The following LARGE1 variants were observed in gnomAD, a reference collection of about 807,000 sequenced individuals.
LARGE1 encodes the protein LARGE xylosyl- and glucuronyltransferase 1, also known as xylosyl- and glucuronyltransferase LARGE1.
A neutral mutation model predicts 87.6 loss-of-function variants in LARGE1; 43 were observed. The observed-to-expected ratio is 0.49, with a 90% CI of 0.38 to 0.63. LARGE1 has a LOEUF of 0.63. LARGE1 is among the 30% of genes least tolerant of loss of function. The probability of loss-of-function intolerance (pLI) is 0.00; values close to 1 mark genes in which losing one functional copy is unlikely to be tolerated. For missense variants in LARGE1, 802 were observed against 1,000.2 expected (o/e 0.80, Z 2.67); for synonymous variants, 434 against 394.6 (o/e 1.10, Z -1.18).
chr22:33,687,230 G>A (rs923058958), intron 2 of LARGE1, among the ~76,000 whole-genome samples: 4 of 150,156 alleles, frequency 2.7e-5, no homozygotes, highest in African/African-American at 9.8e-5. Context: ...CCTGGCTTCA[G>A]GCAATCCTCC....
chr22:33,156,338 A>G, the LARGE1 span, among the ~76,000 whole-genome samples: 1 of 152,134 alleles, frequency 6.6e-6, no homozygotes, highest in Non-Finnish European at 1.5e-5. Context: ...GAATGGGGAA[A>G]GGGGGCTATA....
chr22:33,307,193 A>C (rs1273735735), intron 11 of LARGE1, among the ~76,000 whole-genome samples: 1 of 152,214 alleles, frequency 6.6e-6, no homozygotes, highest in Admixed American at 6.5e-5. Context: ...TGTCTTTGCC[A>C]CACTGTGGCT....
chr22:33,422,985 C>G (rs1322623187), intron 7 of LARGE1, among the ~76,000 whole-genome samples: 1 of 148,396 alleles, frequency 6.7e-6, no homozygotes, highest in East Asian at 1.9e-4. Context: ...ACTAACACTA[C>G]TTACGGGATA....
intron 9 of LARGE1, among the ~76,000 whole-genome samples, chr22:33,346,644 C>T (rs990042872): frequency 6.6e-6 from 1 of 152,158 alleles, no homozygotes; most frequent in South Asian, 2.1e-4. Context: ...TCCTTCATGG[C>T]TGAGCTCAAA....
At chr22:33,371,826 T>G (rs928328174) in intron 9 of LARGE1, among the ~76,000 whole-genome samples, 1 of 151,914 alleles carries the variant, frequency 6.6e-6, no homozygotes, top group South Asian at 2.1e-4. Context: ...CCACTAAAAA[T>G]ACAAAAAATT....
chr22:33,523,192 C>T lies in LARGE1; in HGVS notation c.787+41656G>A, dbSNP rs1009602461. Among the ~76,000 whole-genome samples the T allele has an allele frequency of 5.3e-5, 8 of 151,872 alleles. No individual in the cohort carries two copies. In the East Asian group the frequency reaches 7.8e-4, roughly 15 times the overall value. On this transcript the variant is annotated intron_variant, in intron 6 of 14. Transcript: ENST00000397394. ...GATAATTTTGTATTTTTAGTAGAGA[C>T]GGGGTTTCACCATGTTGGTCAGGCT...
intron 1 of LARGE1, among the ~76,000 whole-genome samples, chr22:33,762,375 C>T (rs1251405166): frequency 6.6e-6 from 1 of 151,998 alleles, no homozygotes; most frequent in African/African-American, 2.4e-5. Flanking sequence ...CTGCCCTGTG[C>T]GTGGTCAGGA....
At chr22:33,390,689 G>GTTT (rs200764992) in intron 7 of LARGE1, among the ~76,000 whole-genome samples, 1 of 131,818 alleles carries the variant, frequency 7.6e-6, no homozygotes. Context: ...TTTGTTGTGT[G>GTTT]TTTTTTTTTT....
intron 2 of LARGE1, among the ~76,000 whole-genome samples, chr22:33,740,629 G>T (rs545845726): frequency 6.6e-6 from 1 of 152,220 alleles, no homozygotes; most frequent in Non-Finnish European, 1.5e-5. Flanking sequence ...AATGATCTAA[G>T]AGAAAAAGAA....
chr22:33,767,301 G>A (rs924404379), intron 1 of LARGE1, among the ~76,000 whole-genome samples: 5 of 151,600 alleles, frequency 3.3e-5, no homozygotes, highest in South Asian at 2.1e-4. Context: ...CAGCCTGGGC[G>A]ACAGAGCAAG....
At chr22:33,096,144 G>A in the LARGE1 span, among the ~76,000 whole-genome samples, 6 of 152,126 alleles carry the variant, frequency 3.9e-5, no homozygotes, top group East Asian at 1.9e-4. Context: ...GGCCAGGCGC[G>A]GTGGCTCATG....
intron 9 of LARGE1, among the ~76,000 whole-genome samples, chr22:33,381,048 C>A (rs1601642269): frequency 6.6e-6 from 1 of 152,176 alleles, no homozygotes; most frequent in African/African-American, 2.4e-5. Flanking sequence ...CTCAAGGTTT[C>A]CTCTTGTGTA....
intron 1 of LARGE1, among the ~76,000 whole-genome samples, chr22:33,833,999 A>G (rs1435613259): frequency 3.3e-5 from 5 of 152,122 alleles, no homozygotes; most frequent in African/African-American, 1.2e-4. Flanking sequence ...AATTATTGTC[A>G]TTTTAGCAGA....
the LARGE1 span, among the ~76,000 whole-genome samples, chr22:33,116,485 G>C: frequency 2.0e-5 from 3 of 151,936 alleles, no homozygotes; most frequent in African/African-American, 7.2e-5. Context: ...CTCCAGAGTA[G>C]CTGGGACTAC....
rs563539789 is a variant in LARGE1 at position 33,299,236 on chromosome 22, T to A, written c.1730+4993A>T. ...AGGAAGCAGTATGGAAAGAAATGAA[T>A]TAAAGAGAGAAAATGAGAAAAGAGA... On this transcript the variant is annotated intron_variant, in intron 12 of 14. Coordinates refer to ENST00000397394, the MANE Select transcript of LARGE1 (RefSeq NM_133642.5). 3.7e-5 allele frequency among the ~76,000 whole-genome samples: 5 copies of A among 135,188 alleles called. No individual in the cohort carries two copies. In the Admixed American group the frequency reaches 4.0e-4, roughly 11 times the overall value. 88.7% of individuals were successfully genotyped at this position (135,188 alleles called of 152,430 possible). A position where few individuals can be genotyped will look rare whatever the true frequency, so the allele number is the denominator to read the frequency against.
intron 6 of LARGE1, among the ~76,000 whole-genome samples, chr22:33,463,163 G>C (rs937066126): frequency 6.6e-6 from 1 of 151,806 alleles, no homozygotes; most frequent in African/African-American, 2.4e-5. Flanking sequence ...CTTGGTGGCC[G>C]CAATCTAGTA....
intron 1 of LARGE1, among the ~76,000 whole-genome samples, chr22:33,882,347 A>G (rs1426709358): frequency 6.6e-6 from 1 of 152,120 alleles, no homozygotes; most frequent in Admixed American, 6.5e-5. Flanking sequence ...TTTGCCTTCT[A>G]TGAAATGAAA....
chr22:33,562,459 C>T (rs1419163082), intron 6 of LARGE1, among the ~76,000 whole-genome samples: 1 of 152,168 alleles, frequency 6.6e-6, no homozygotes, highest in Non-Finnish European at 1.5e-5. Context: ...GGGGGCCTAA[C>T]AAATGCTAGA....
chr22:33,239,764 C>T (rs1337107537), intron 11 of LARGE1, among the ~76,000 whole-genome samples: 1 of 151,920 alleles, frequency 6.6e-6, no homozygotes, highest in Non-Finnish European at 1.5e-5. Context: ...GTCTCGAACT[C>T]CTGACCTTGT....
Sources: gnomAD v4.1 joint callset for allele counts (sites outside exome capture counted in the v4.1 genomes callset) on GRCh38, gnomAD v4.1.1 for gene constraint, MANE v1.5 for transcripts, NCBI Gene and HGNC (gene_info 2026-07-23, HGNC 2026-07-21) for gene names.